Variants in CEP128 observed in about 807,000 individuals in gnomAD.
CEP128 encodes the protein centrosomal protein 128kDa.
CEP128 carries 132 observed loss-of-function variants against 156.7 expected under a neutral mutation model. That is an observed-to-expected ratio of 0.84 (90% confidence interval 0.73 to 0.97). The LOEUF is 0.97. CEP128 is among the 50% of genes least tolerant of loss of function. The pLI is 0.00. For missense variants in CEP128, 1,252 were observed against 1,281.9 expected (o/e 0.98, Z 0.36); for synonymous variants, 469 against 448.9 (o/e 1.04, Z -0.57).
In CEP128 at chr14:80,667,237, A is replaced by G. The variant is rs191447216; in HGVS notation, c.2806+75838T>C. On this transcript the variant is annotated intron_variant, in intron 19 of 24. Coordinates refer to ENST00000555265, the MANE Select transcript of CEP128 (RefSeq NM_152446.5). ...ACATTAGAAGGCAGGCTGATGAAAA[A>G]TGCTGCCTGAGACCATGAGGCTGAC... Among the ~76,000 whole-genome samples the G allele has an allele frequency of 9.5e-4, 144 of 152,326 alleles. 1 individual carries two copies. Among genetic ancestry groups the G allele is most frequent in the Non-Finnish European group, 1.8e-3 (125 of 68,038 alleles).
chr14:80,538,773 T>C (rs950229843), intron 21 of CEP128, among the ~76,000 whole-genome samples: 1 of 152,166 alleles, frequency 6.6e-6, no homozygotes, highest in East Asian at 1.9e-4. Context: ...TGGTTAACTT[T>C]TACTTTCTTT....
Position 80,684,514 on chromosome 14 carries a change from G to A in CEP128, c.2806+58561C>T, listed in dbSNP as rs372080442. ...GATTCACAGGCAAATTCTACCAGAT[G>A]TACAAGGAAGAGCTGGTACCAGTTC... is the stretch of plus-strand genomic sequence containing the variant. On this transcript the variant is annotated intron_variant, in intron 19 of 24. Transcript: ENST00000555265. Among the ~76,000 whole-genome samples, 403 of 152,108 alleles carry A rather than the reference G, an allele frequency of 2.6e-3. 2 individuals carry two copies. The highest frequency in any genetic ancestry group is 9.2e-3 in the African/African-American group (380 of 41,512).
intron 19 of CEP128, among the ~76,000 whole-genome samples, chr14:80,658,883 T>C (rs1895283085): frequency 6.6e-6 from 1 of 152,102 alleles, no homozygotes; most frequent in South Asian, 2.1e-4. Flanking sequence ...CTCACAGCAA[T>C]GCTTAAAGTT....
intron 19 of CEP128, among the ~76,000 whole-genome samples, chr14:80,654,682 G>A (rs1459256823): frequency 1.3e-5 from 2 of 152,010 alleles, no homozygotes; most frequent in South Asian, 2.1e-4. Flanking sequence ...TGTTCTTGAA[G>A]TATTTTATAA....
At chr14:80,765,184 C>T (rs1900179293) in intron 16 of CEP128, among the ~76,000 whole-genome samples, 1 of 152,220 alleles carries the variant, frequency 6.6e-6, no homozygotes, top group African/African-American at 2.4e-5. Context: ...CAAACATTTG[C>T]ATGAAATGTC....
At chr14:80,653,856 T>C (rs1256680916) in intron 19 of CEP128, among the ~76,000 whole-genome samples, 3 of 152,184 alleles carry the variant, frequency 2.0e-5, no homozygotes. Flanking sequence ...CTTCATTTTG[T>C]AATGAAACAG....
At chr14:80,857,900 A>C (rs895652820) in intron 9 of CEP128, among the ~76,000 whole-genome samples, 20 of 152,178 alleles carry the variant, frequency 1.3e-4, no homozygotes, top group African/African-American at 4.6e-4. Context: ...CCATGAGATA[A>C]CCAAACCAGG....
chr14:80,639,942 G>A (rs1894341794), intron 19 of CEP128, among the ~76,000 whole-genome samples: 1 of 152,128 alleles, frequency 6.6e-6, no homozygotes, highest in African/African-American at 2.4e-5. Context: ...CTTTCTTATA[G>A]AAAGTGACTT....
chr14:80,916,448 T>C lies in CEP128; in HGVS notation c.100A>G (p.Thr34Ala), dbSNP rs909451577. ...STHRGTRSLP[T>A]VEVTEKVNTI... ...TTGACCTTCTCGGTAACTTCTACTG[T>C]AGGAAGACTTCGAGTTCCCCTGTGC... Residue 34 changes from threonine (T) to alanine (A), a missense_variant, in exon 3 of 25, where the codon ACA becomes GCA. Coordinates refer to ENST00000555265, the MANE Select transcript of CEP128 (RefSeq NM_152446.5). 2.5e-6 allele frequency: 4 copies of C among 1,614,114 alleles called. No homozygotes were observed. Among genetic ancestry groups the C allele is most frequent in the Non-Finnish European group, 8.5e-7 (1 of 1,179,950 alleles).
At chr14:80,855,048 A>T (rs1203723157) in intron 9 of CEP128, among the ~76,000 whole-genome samples, 1 of 152,288 alleles carries the variant, frequency 6.6e-6, no homozygotes, top group African/African-American at 2.4e-5. Flanking sequence ...GTGTGGCTCA[A>T]AATAAGCCCC....
chr14:80,665,172 A>G (rs572456784), intron 19 of CEP128, among the ~76,000 whole-genome samples: 1 of 152,322 alleles, frequency 6.6e-6, no homozygotes, highest in South Asian at 2.1e-4. Context: ...TTGTGCAAGT[A>G]GATTGGGAGC....
At chr14:80,910,559 T>C (rs1326076119) in intron 4 of CEP128, among the ~76,000 whole-genome samples, 1 of 152,198 alleles carries the variant, frequency 6.6e-6, no homozygotes, top group African/African-American at 2.4e-5. Flanking sequence ...GTACGTTTCC[T>C]GAGTCCTCCT....
chr14:80,743,003 T>C, intron 19 of CEP128, 72 bp downstream of exon 19: 2 of 1,398,326 alleles, frequency 1.4e-6, no homozygotes, highest in Non-Finnish European at 2.0e-6. Flanking sequence ...CAGAAGTAGG[T>C]TTTTTTCCAA....
chr14:80,478,135 C>T (rs1278860509), exon 15 of CEP128: 1 of 151,954 alleles, frequency 6.6e-6, no homozygotes, highest in Non-Finnish European at 1.5e-5. Context: ...TAGTGTATAC[C>T]CTGTATTTGA....
downstream of CEP128, among the ~76,000 whole-genome samples, chr14:80,486,387 G>A (rs887626269): frequency 3.2e-4 from 48 of 152,104 alleles, no homozygotes; most frequent in East Asian, 5.8e-3. Context: ...CCAAATCTAC[G>A]TCTGATTGGT....
chr14:80,591,993 A>G (rs772250991), intron 19 of CEP128, among the ~76,000 whole-genome samples: 3 of 152,218 alleles, frequency 2.0e-5, no homozygotes, highest in Admixed American at 2.0e-4. Context: ...AATCTCTGGG[A>G]CACAGATAAG....
intron 19 of CEP128, among the ~76,000 whole-genome samples, chr14:80,580,677 G>A (rs1028508360): frequency 7.2e-5 from 11 of 151,976 alleles, no homozygotes; most frequent in African/African-American, 1.7e-4. Context: ...ACATACCAAA[G>A]GATGACATCA....
chr14:80,478,261 CTCTT>C (rs1886983578), exon 15 of CEP128: 1 of 151,978 alleles, frequency 6.6e-6, no homozygotes, highest in Non-Finnish European at 1.5e-5. Context: ...CACCTGGCTG[CTCTT>C]TGTTCCCTCT....
chr14:80,626,323 G>T (rs1054520617), intron 19 of CEP128, among the ~76,000 whole-genome samples: 1 of 151,446 alleles, frequency 6.6e-6, no homozygotes, highest in Non-Finnish European at 1.5e-5. Context: ...AATTAGCCGG[G>T]CGCGGTGGCG....
Sources: gnomAD v4.1 joint callset for allele counts (sites outside exome capture counted in the v4.1 genomes callset) on GRCh38, gnomAD v4.1.1 for gene constraint, MANE v1.5 for transcripts, NCBI Gene and HGNC (gene_info 2026-07-23, HGNC 2026-07-21) for gene names.